FMNL2: variants seen among roughly 807,000 people sequenced by gnomAD.
FMNL2 encodes formin-like protein 2.
Under a neutral mutation model 130.2 loss-of-function variants are expected in FMNL2, and 51 were observed. The ratio of observed to expected loss-of-function variants is 0.39; its 90% CI spans 0.31 to 0.49. The LOEUF is 0.49. Ranked by LOEUF, FMNL2 falls within the 20% of genes least tolerant of loss-of-function variation. FMNL2 has a pLI of 0.85. For synonymous variants in FMNL2, 465 were observed against 467.1 expected (o/e 1.00, Z 0.06); for missense variants, 977 against 1,316.2 (o/e 0.74, Z 3.99).
At chr2:152,434,585 G>A (rs1226309287) in intron 1 of FMNL2, among the ~76,000 whole-genome samples, 1 of 152,038 alleles carries the variant, frequency 6.6e-6, no homozygotes, top group Non-Finnish European at 1.5e-5. Flanking sequence ...TGGCACCATG[G>A]TAAGGCAGGG....
At chr2:152,647,697 A>G in intron 25 of FMNL2, 99 bp from the exon 26 acceptor site, 3 of 1,126,116 alleles carry the variant, frequency 2.7e-6, no homozygotes, top group Non-Finnish European at 4.1e-6. Context: ...TGACTTTTCT[A>G]CACAAGCTGC....
chr2:152,586,589 A>G (rs972644609), intron 9 of FMNL2, among the ~76,000 whole-genome samples: 2 of 152,106 alleles, frequency 1.3e-5, no homozygotes, highest in Non-Finnish European at 2.9e-5. Context: ...GGGTACTCAC[A>G]TTTTTCAGTC....
At chr2:152,466,030 A>G (rs1010607135) in intron 1 of FMNL2, among the ~76,000 whole-genome samples, 2 of 152,230 alleles carry the variant, frequency 1.3e-5, no homozygotes, top group African/African-American at 2.4e-5. Context: ...AGGATTTGGG[A>G]AATTTGAGGT....
At chr2:152,596,304 C>A (rs548332772) in intron 9 of FMNL2, among the ~76,000 whole-genome samples, 15 of 152,186 alleles carry the variant, frequency 9.9e-5, no homozygotes, top group Admixed American at 7.2e-4. Context: ...GGGCTCCTTT[C>A]TATATGAAGA....
intron 6 of FMNL2, 106 bp from the exon 7 acceptor site, chr2:152,575,030 A>G (rs1409630760): frequency 1.6e-6 from 1 of 619,730 alleles, no homozygotes; most frequent in Non-Finnish European, 2.8e-6. Context: ...GTTTTAACCT[A>G]CAATCCTTGT....
At chr2:152,564,786 T>TTTTTTTTG (rs1553477827) in intron 6 of FMNL2, among the ~76,000 whole-genome samples, 2 of 148,392 alleles carry the variant, frequency 1.3e-5, no homozygotes, top group Non-Finnish European at 3.0e-5. Flanking sequence ...GTTTTTTTTT[T>TTTTTTTTG]TTTTTTTTTT....
At chr2:152,576,868 A>T (rs1379383570) in intron 7 of FMNL2, among the ~76,000 whole-genome samples, 3 of 152,232 alleles carry the variant, frequency 2.0e-5, no homozygotes, top group Non-Finnish European at 2.9e-5. Context: ...CTGGATCAGA[A>T]TGAGTAAGAG....
intron 1 of FMNL2, among the ~76,000 whole-genome samples, chr2:152,377,566 G>A (rs981991649): frequency 2.0e-5 from 3 of 152,160 alleles, no homozygotes; most frequent in Non-Finnish European, 2.9e-5. Flanking sequence ...AGGTACACAA[G>A]AGCTACATGT....
intron 4 of FMNL2, among the ~76,000 whole-genome samples, chr2:152,552,683 G>A (rs552645019): frequency 6.6e-6 from 1 of 152,196 alleles, no homozygotes; most frequent in Non-Finnish European, 1.5e-5. Context: ...TAATAATAGA[G>A]AAGAATTGGA....
At chr2:152,483,948 A>G (rs1217416945) in intron 1 of FMNL2, among the ~76,000 whole-genome samples, 1 of 152,218 alleles carries the variant, frequency 6.6e-6, no homozygotes, top group Non-Finnish European at 1.5e-5. Context: ...TTGCTTGAGC[A>G]AGACTCTTAA....
intron 9 of FMNL2, among the ~76,000 whole-genome samples, chr2:152,581,476 G>A (rs1000945741): frequency 1.1e-4 from 17 of 152,174 alleles, no homozygotes; most frequent in African/African-American, 2.7e-4. Flanking sequence ...GATTCTGGGA[G>A]CGTGTAAGCT....
intron 1 of FMNL2, among the ~76,000 whole-genome samples, chr2:152,420,942 A>G (rs957749844): frequency 5.3e-5 from 8 of 152,186 alleles, no homozygotes; most frequent in African/African-American, 1.7e-4. Context: ...TTTGCCTGTT[A>G]TTCGCCTGAG....
intron 7 of FMNL2, among the ~76,000 whole-genome samples, chr2:152,577,724 G>A (rs1362361862): frequency 6.6e-6 from 1 of 152,150 alleles, no homozygotes; most frequent in East Asian, 1.9e-4. Flanking sequence ...AGTGAGGATT[G>A]GCCATTGGCT....
chr2:152,624,058 C>T (rs1681575761), intron 15 of FMNL2, among the ~76,000 whole-genome samples: 1 of 1,486 alleles, frequency 6.7e-4, no homozygotes, highest in Non-Finnish European at 1.4e-3. Context: ...CCCCTCCCCT[C>T]CCCTCCCCTC....
intron 1 of FMNL2, among the ~76,000 whole-genome samples, chr2:152,446,099 A>C (rs187257366): frequency 6.6e-6 from 1 of 152,190 alleles, no homozygotes; most frequent in South Asian, 2.1e-4. Flanking sequence ...TGTGTGGCGC[A>C]TGTAGGCTGT....
chr2:152,538,479 C>T (rs1032864279), intron 2 of FMNL2, among the ~76,000 whole-genome samples: 4 of 152,000 alleles, frequency 2.6e-5, no homozygotes, highest in Non-Finnish European at 4.4e-5. Context: ...GGGGTTTCAC[C>T]ACGTTGGCCA....
chr2:152,406,508 T>C (rs2105981314), intron 1 of FMNL2, among the ~76,000 whole-genome samples: 1 of 152,336 alleles, frequency 6.6e-6, no homozygotes, highest in Admixed American at 6.5e-5. Context: ...TTGAAGATAT[T>C]TGATAGCTCC....
intron 1 of FMNL2, among the ~76,000 whole-genome samples, chr2:152,441,872 G>A (rs983771029): frequency 6.6e-5 from 10 of 152,036 alleles, no homozygotes; most frequent in Admixed American, 2.6e-4. Context: ...GAGCAGTAGA[G>A]TTAAAATAGA....
In FMNL2 at chr2:152,520,608, AAATT is replaced by A. The variant is rs1159381315; in HGVS notation, c.118-1332_118-1329del. Among the ~76,000 whole-genome samples the A allele has an allele frequency of 1.3e-4, 20 of 151,830 alleles. 1 individual carries two copies. The highest frequency in any genetic ancestry group is 2.5e-4 in the Non-Finnish European group (17 of 67,948). The stretch of plus-strand genomic sequence containing the variant: ...GAAACCCCATCTCAAAAAAAAAAAA[AAATT>A]AAATTAAATATTTTAAAGACAGGTT... On this transcript the variant is annotated intron_variant, in intron 1 of 25. Transcript: ENST00000288670.
Sources: allele counts gnomAD v4.1 joint callset (sites outside exome capture counted in the v4.1 genomes callset), GRCh38; gene constraint gnomAD v4.1.1; transcripts MANE v1.5; gene names NCBI Gene and HGNC (gene_info 2026-07-23, HGNC 2026-07-21).